Variants in MAGI2 observed in about 807,000 individuals in gnomAD.
MAGI2 encodes the protein membrane associated guanylate kinase, WW and PDZ domain containing 2.
MAGI2 carries 35 observed loss-of-function variants against 133.3 expected under a neutral mutation model. That is an observed-to-expected ratio of 0.26 (90% CI 0.20 to 0.35). The LOEUF is 0.35. MAGI2 is among the 10% of genes least tolerant of loss of function. The probability of loss-of-function intolerance (pLI) is 1.00; values close to 1 mark genes in which losing one functional copy is unlikely to be tolerated. For synonymous variants in MAGI2, 729 were observed against 710.6 expected (o/e 1.03, Z -0.41); for missense variants, 1,636 against 1,863.4 (o/e 0.88, Z 2.25).
At chr7:78,174,208 G>GA (rs1412977767) in intron 14 of MAGI2, among the ~76,000 whole-genome samples, 1 of 152,100 alleles carries the variant, frequency 6.6e-6, no homozygotes, top group Non-Finnish European at 1.5e-5. Flanking sequence ...GCTAGGCTTG[G>GA]AACACATAAA....
At chr7:78,125,909 T>C in intron 19 of MAGI2, 72 bp from the exon 20 acceptor site, 1 of 1,433,936 alleles carries the variant, frequency 7.0e-7, no homozygotes, top group Non-Finnish European at 9.7e-7. Flanking sequence ...CTAGTCTCTG[T>C]GTTCTCCTTC....
chr7:79,438,567 A>G (rs1278176865), intron 1 of MAGI2, among the ~76,000 whole-genome samples: 2 of 151,898 alleles, frequency 1.3e-5, no homozygotes, highest in Non-Finnish European at 2.9e-5. Context: ...TGTACAGTAA[A>G]TTTTCGTCTT....
At chr7:78,911,802 G>A (rs1404900583) in intron 2 of MAGI2, among the ~76,000 whole-genome samples, 1 of 151,800 alleles carries the variant, frequency 6.6e-6, no homozygotes, top group African/African-American at 2.4e-5. Context: ...CATTATCCAG[G>A]TATTAAGCCC....
chr7:78,373,466 C>T (rs535473953), intron 6 of MAGI2, among the ~76,000 whole-genome samples: 1 of 152,196 alleles, frequency 6.6e-6, no homozygotes, highest in East Asian at 1.9e-4. Flanking sequence ...TTATGGGGAG[C>T]CACTTTGTAG....
chr7:78,860,492 G>T (rs998384222), intron 2 of MAGI2, among the ~76,000 whole-genome samples: 1 of 152,190 alleles, frequency 6.6e-6, no homozygotes. Context: ...AGGTCTGTGG[G>T]AGTTTGCTGG....
At chr7:78,876,864 A>G (rs2151534298) in intron 2 of MAGI2, among the ~76,000 whole-genome samples, 1 of 139,722 alleles carries the variant, frequency 7.2e-6, no homozygotes, top group Non-Finnish European at 1.6e-5. Flanking sequence ...AATCTTTTGT[A>G]CATATGTTTG....
intron 10 of MAGI2, among the ~76,000 whole-genome samples, chr7:78,236,441 A>C (rs770947754): frequency 6.6e-5 from 10 of 152,194 alleles, no homozygotes; most frequent in Non-Finnish European, 1.5e-4. Context: ...GTCATAACAG[A>C]ATAAAATAAT....
intron 3 of MAGI2, among the ~76,000 whole-genome samples, chr7:78,593,132 T>TC (rs934453177): frequency 2.0e-5 from 3 of 150,190 alleles, no homozygotes; most frequent in Non-Finnish European, 4.4e-5. Flanking sequence ...CTGATTTTTT[T>TC]TTTCTTTCTT....
intron 10 of MAGI2, among the ~76,000 whole-genome samples, chr7:78,213,657 C>T (rs1309646922): frequency 3.3e-5 from 5 of 152,188 alleles, no homozygotes; most frequent in Non-Finnish European, 5.9e-5. Flanking sequence ...CTGTTCGAAT[C>T]GTGTTCAAAT....
chr7:79,362,608 A>C (rs1842437156), intron 1 of MAGI2, among the ~76,000 whole-genome samples: 1 of 152,208 alleles, frequency 6.6e-6, no homozygotes, highest in South Asian at 2.1e-4. Context: ...AATGGAATTC[A>C]TTTCAGGTAT....
chr7:79,132,925 G>A (rs2129545459), intron 1 of MAGI2, among the ~76,000 whole-genome samples: 1 of 152,116 alleles, frequency 6.6e-6, no homozygotes, highest in East Asian at 1.9e-4. Context: ...TTTTTCCTAT[G>A]TTTGTTGGCC....
At chr7:78,113,752 C>T (rs1045496924) in intron 20 of MAGI2, among the ~76,000 whole-genome samples, 10 of 152,226 alleles carry the variant, frequency 6.6e-5, no homozygotes, top group East Asian at 3.9e-4. Context: ...GTATCCCTGT[C>T]ATCAAGAGAT....
At chr7:79,296,078 A>G (rs1352576011) in intron 1 of MAGI2, among the ~76,000 whole-genome samples, 2 of 152,130 alleles carry the variant, frequency 1.3e-5, no homozygotes, top group Non-Finnish European at 2.9e-5. Flanking sequence ...GTTCAAATCC[A>G]TGTTTCAGTA....
chr7:78,019,197 G>T lies in MAGI2; in HGVS notation c.*118C>A. 1 of 1,214,470 alleles carries T rather than the reference G, an allele frequency of 8.2e-7. No individual in the cohort carries two copies. The highest frequency in any genetic ancestry group is 1.1e-6 in the Non-Finnish European group (1 of 877,188). 75.2% of individuals were successfully genotyped at this position (1,214,470 alleles called of 1,614,324 possible). On this transcript the variant is annotated 3_prime_UTR_variant, in exon 22 of 22. Coordinates refer to ENST00000354212, the MANE Select transcript of MAGI2 (RefSeq NM_012301.4). ...TGGGACTTCACGTCGATGCTCCCAG[G>T]CCTTGGTGCCTCGTGGATCTATGCG...
chr7:78,565,945 C>T (rs1800898105), intron 3 of MAGI2, among the ~76,000 whole-genome samples: 2 of 152,124 alleles, frequency 1.3e-5, no homozygotes, highest in African/African-American at 4.8e-5. Flanking sequence ...AACCTCCCTG[C>T]CTCGGTTTAG....
intron 1 of MAGI2, among the ~76,000 whole-genome samples, chr7:79,178,101 A>G (rs1376379302): frequency 6.6e-6 from 1 of 151,912 alleles, no homozygotes; most frequent in Admixed American, 6.6e-5. Context: ...AAAGTCCTAC[A>G]CTGTGGTCCT....
chr7:79,423,394 A>G (rs1165702884), intron 1 of MAGI2, among the ~76,000 whole-genome samples: 1 of 151,818 alleles, frequency 6.6e-6, no homozygotes, highest in Non-Finnish European at 1.5e-5. Context: ...TTTTCATTTA[A>G]TATTAATTGT....
chr7:78,380,361 T>C (rs1029824), intron 6 of MAGI2, among the ~76,000 whole-genome samples: 124,198 of 152,092 alleles, frequency 0.82, 50,823 homozygotes, highest in Admixed American at 0.85. Flanking sequence ...TATCAACAGA[T>C]GAATGAGTAA....
intron 9 of MAGI2, among the ~76,000 whole-genome samples, chr7:78,288,060 A>G (rs547730688): frequency 1.3e-5 from 2 of 152,340 alleles, no homozygotes; most frequent in African/African-American, 4.8e-5. Context: ...AATGTGCAAG[A>G]TAAATCCAAG....
Sources: allele counts gnomAD v4.1 joint callset (sites outside exome capture counted in the v4.1 genomes callset), GRCh38; gene constraint gnomAD v4.1.1; transcripts MANE v1.5; gene names NCBI Gene and HGNC (gene_info 2026-07-23, HGNC 2026-07-21).